The following SMG6 variants were observed in gnomAD, a reference collection of about 807,000 sequenced individuals.
SMG6 encodes SMG6 nonsense mediated mRNA decay factor, also known as telomerase-binding protein EST1A.
In SMG6, 66 loss-of-function variants were observed where a neutral mutation model predicts 142.2. That is an observed-to-expected ratio of 0.46 (90% CI 0.38 to 0.57). The LOEUF is 0.57. SMG6 is among the 20% of genes least tolerant of loss of function. SMG6 has a pLI of 0.00. For missense variants in SMG6, 1,793 were observed against 1,832.0 expected, an observed-to-expected ratio of 0.98 and a Z score of 0.39; for synonymous variants, 779 against 702.4, an observed-to-expected ratio of 1.11 and a Z score of -1.72.
At chr17:2,236,196 C>G (rs1199139167) in intron 10 of SMG6, 1 of 229,436 alleles carries the variant, frequency 4.4e-6, no homozygotes, top group African/African-American at 2.3e-5. Context: ...CTGCAGCCTT[C>G]AAGAGGCCTT....
chr17:2,258,792 C>T (rs1177929446), intron 8 of SMG6, among the ~76,000 whole-genome samples: 1 of 147,860 alleles, frequency 6.8e-6, no homozygotes, highest in African/African-American at 2.5e-5. Flanking sequence ...GAGCAAGACG[C>T]CAGCTCAAAA....
chr17:2,259,787 C>T (rs1209605519), intron 8 of SMG6, among the ~76,000 whole-genome samples: 5 of 151,994 alleles, frequency 3.3e-5, no homozygotes, highest in Non-Finnish European at 5.9e-5. Flanking sequence ...ACCTACCTAA[C>T]GCCATACAGG....
chr17:2,193,152 T>G (rs1597567784), intron 10 of SMG6, among the ~76,000 whole-genome samples: 1 of 152,068 alleles, frequency 6.6e-6, no homozygotes, highest in East Asian at 1.9e-4. Context: ...GATGGCAGGG[T>G]GGATCCCTCA....
At chr17:2,183,213 G>A (rs986299926) in intron 12 of SMG6, among the ~76,000 whole-genome samples, 1 of 150,530 alleles carries the variant, frequency 6.6e-6, no homozygotes, top group African/African-American at 2.4e-5. Flanking sequence ...GTAACAGAGC[G>A]AGACCCTGGG....
At chr17:2,108,443 C>T (rs562579087) in intron 13 of SMG6, among the ~76,000 whole-genome samples, 1 of 152,230 alleles carries the variant, frequency 6.6e-6, no homozygotes, top group South Asian at 2.1e-4. Flanking sequence ...ATAGTGAAAC[C>T]CTGTCTCTAC....
chr17:2,193,156 T>C (rs1305703361), intron 10 of SMG6, among the ~76,000 whole-genome samples: 1 of 152,156 alleles, frequency 6.6e-6, no homozygotes, highest in East Asian at 1.9e-4. Context: ...GCAGGGTGGA[T>C]CCCTCAGGGC....
At chr17:2,181,282 G>A (rs1443291636) in intron 12 of SMG6, among the ~76,000 whole-genome samples, 1 of 152,216 alleles carries the variant, frequency 6.6e-6, no homozygotes. Context: ...CCTCTGATCT[G>A]AAGACTCTGA....
chr17:2,220,496 G>A (rs901930090), intron 10 of SMG6, among the ~76,000 whole-genome samples: 10 of 152,138 alleles, frequency 6.6e-5, no homozygotes, highest in Non-Finnish European at 1.5e-4. Flanking sequence ...TGAGCGTAGT[G>A]GCATGCGCTT....
intron 10 of SMG6, among the ~76,000 whole-genome samples, chr17:2,213,170 T>C (rs1397194839): frequency 6.6e-6 from 1 of 152,210 alleles, no homozygotes; most frequent in Non-Finnish European, 1.5e-5. Flanking sequence ...GTCAGTATTA[T>C]AAAACTCTAC....
intron 10 of SMG6, among the ~76,000 whole-genome samples, chr17:2,201,700 T>C (rs923860011): frequency 6.8e-6 from 1 of 147,378 alleles, no homozygotes; most frequent in African/African-American, 2.5e-5. Context: ...AAAAGTTAAA[T>C]AATATAACCA....
chr17:2,287,473 T>C (rs441750), intron 6 of SMG6, among the ~76,000 whole-genome samples: 87,108 of 152,032 alleles, frequency 0.57, 26,238 homozygotes, highest in East Asian at 0.75. Context: ...GTAGCTGCTA[T>C]GGAAAACAAT....
intron 13 of SMG6, among the ~76,000 whole-genome samples, chr17:2,160,016 G>T (rs1255373220): frequency 5.3e-5 from 8 of 152,128 alleles, no homozygotes; most frequent in Non-Finnish European, 4.4e-5. Context: ...GGAGTAGGAT[G>T]GGGGATAGAG....
At chr17:2,298,883 A>AG in intron 2 of SMG6, 23 bp downstream of exon 2, 1 of 1,595,924 alleles carries the variant, frequency 6.3e-7, no homozygotes. Context: ...ATTTCCCTCC[A>AG]GCCAGAATAG....
chr17:2,273,886 T>C (rs2074593711), intron 8 of SMG6, among the ~76,000 whole-genome samples: 2 of 152,246 alleles, frequency 1.3e-5, no homozygotes, highest in African/African-American at 4.8e-5. Flanking sequence ...TAATTCTGTA[T>C]TTCCCTTAGG....
chr17:2,260,502 C>T (rs1056409226), intron 8 of SMG6, among the ~76,000 whole-genome samples: 1 of 152,218 alleles, frequency 6.6e-6, no homozygotes, highest in Non-Finnish European at 1.5e-5. Flanking sequence ...TCAAAGCAAA[C>T]ACCTCAAATC....
At chr17:2,127,606 AT>A in intron 13 of SMG6, 1 of 581,802 alleles carries the variant, frequency 1.7e-6, no homozygotes, top group Non-Finnish European at 3.4e-6. Flanking sequence ...CAATGTCACT[AT>A]TTCTGTTCTC....
chr17:2,194,354 A>C (rs1446074974), intron 10 of SMG6, among the ~76,000 whole-genome samples: 19 of 152,222 alleles, frequency 1.2e-4, no homozygotes, highest in Admixed American at 1.2e-3. Context: ...ATTTAGGACT[A>C]ATTAGGGTAG....
intron 6 of SMG6, 23 bp downstream of exon 6, chr17:2,292,529 C>G (rs1434160627): frequency 6.2e-7 from 1 of 1,611,456 alleles, no homozygotes; most frequent in Non-Finnish European, 8.5e-7. Context: ...AAGCACTTTT[C>G]CCCTGTCCAC....
chr17:2,283,706 A>T lies in SMG6; in HGVS notation c.2367T>A (p.Tyr789Ter). ...TRRKLDAVYY[Y>*]MRSLAASNPI... ...GGTTGCTGGCAGCTAAACTGCGCAT[A>T]TAGTAATAGACAGCGTCAAGCTTCC... The change falls in exon 7 of 19, where the codon TAT (tyrosine) becomes TAA (stop). Residue 789 changes from tyrosine (Y) to a stop codon, truncating the protein, a stop_gained. Coordinates refer to ENST00000263073, the MANE Select transcript of SMG6 (RefSeq NM_017575.5). LOFTEE classifies it high-confidence loss of function. 1 of 1,614,130 alleles carries T rather than the reference A, an allele frequency of 6.2e-7. No individual in the cohort carries two copies. Among genetic ancestry groups the T allele is most frequent in the Non-Finnish European group, 8.5e-7 (1 of 1,180,014 alleles).
Sources: gnomAD v4.1 joint callset for allele counts (sites outside exome capture counted in the v4.1 genomes callset) on GRCh38, gnomAD v4.1.1 for gene constraint, MANE v1.5 for transcripts, NCBI Gene and HGNC (gene_info 2026-07-23, HGNC 2026-07-21) for gene names.